Variants in CPNE4 observed in about 807,000 individuals in gnomAD.
CPNE4 encodes the protein copine-4.
A neutral mutation model predicts 67.9 loss-of-function variants in CPNE4; 25 were observed. The observed-to-expected ratio is 0.37, with a 90% CI of 0.27 to 0.51. CPNE4 has a LOEUF of 0.51. CPNE4 is among the 20% of genes least tolerant of loss of function. CPNE4 has a pLI of 0.93. For missense variants in CPNE4, 464 were observed against 690.8 expected, an observed-to-expected ratio of 0.67 and a Z score of 3.68; for synonymous variants, 242 against 244.9, an observed-to-expected ratio of 0.99 and a Z score of 0.11.
intron 2 of CPNE4, among the ~76,000 whole-genome samples, chr3:131,883,506 G>A (rs560874801): frequency 6.6e-6 from 1 of 152,072 alleles, no homozygotes; most frequent in African/African-American, 2.4e-5. Context: ...ATGCACTTTT[G>A]TCTCTCCACA....
At chr3:131,661,501 G>A (rs1044229733) in intron 7 of CPNE4, among the ~76,000 whole-genome samples, 2 of 152,120 alleles carry the variant, frequency 1.3e-5, no homozygotes, top group Non-Finnish European at 2.9e-5. Flanking sequence ...ATTGATTTCC[G>A]ATTTCAGTAG....
At chr3:131,570,139 A>G (rs999352468) in intron 10 of CPNE4, among the ~76,000 whole-genome samples, 1 of 151,890 alleles carries the variant, frequency 6.6e-6, no homozygotes, top group Admixed American at 6.6e-5. Context: ...AATAAATATC[A>G]TAGTATTTAA....
intron 12 of CPNE4, among the ~76,000 whole-genome samples, chr3:131,554,582 A>G (rs1936361768): frequency 6.6e-6 from 1 of 152,080 alleles, no homozygotes. Context: ...TCCATCCACT[A>G]TTCACTCTAG....
intron 7 of CPNE4, among the ~76,000 whole-genome samples, chr3:131,649,894 G>T (rs946269770): frequency 1.3e-5 from 2 of 152,174 alleles, no homozygotes; most frequent in East Asian, 1.9e-4. Context: ...CCGTGGCTGC[G>T]TTGTGTGCTT....
chr3:131,675,016 T>C lies in CPNE4; in HGVS notation c.592-5252A>G, dbSNP rs141671058. On this transcript the variant is annotated intron_variant, in intron 6 of 15. Transcript: ENST00000429747. ...GGTTTTGGTATGTTTTATTTTCATATTCATTTGTTTTAAGAAATGTTTACA... is the reference window on the plus strand; with the variant it reads ...GGTTTTGGTATGTTTTATTTTCATACTCATTTGTTTTAAGAAATGTTTACA... Among the ~76,000 whole-genome samples the C allele has an allele frequency of 2.3e-3, 354 of 152,182 alleles. 1 individual carries two copies. Among genetic ancestry groups the C allele is most frequent in the African/African-American group, 7.9e-3 (330 of 41,550 alleles).
chr3:132,008,828 G>C (rs569806717), intron 1 of CPNE4, among the ~76,000 whole-genome samples: 19 of 152,102 alleles, frequency 1.2e-4, no homozygotes, highest in East Asian at 3.9e-4. Context: ...TCAAGAAGGA[G>C]ATGTCTCACT....
At chr3:131,979,694 G>T (rs1464298608) in intron 1 of CPNE4, among the ~76,000 whole-genome samples, 2 of 151,944 alleles carry the variant, frequency 1.3e-5, no homozygotes, top group African/African-American at 4.8e-5. Context: ...TGTTAGTATT[G>T]AAATGTGAGG....
chr3:131,744,587 T>C (rs1043578828), intron 2 of CPNE4, among the ~76,000 whole-genome samples: 2 of 152,244 alleles, frequency 1.3e-5, no homozygotes, highest in Admixed American at 6.5e-5. Context: ...CACTTCTCTC[T>C]ATGCCTTCAC....
At position 131,807,137 on chromosome 3, in the gene CPNE4, A is replaced by C. The variant is rs867760703; in HGVS notation, c.181-83512T>G. Among the ~76,000 whole-genome samples the C allele has an allele frequency of 5.9e-5, 9 of 152,110 alleles. 1 individual carries two copies. The South Asian group carries it at 1.9e-3, about 32-fold the overall frequency. ...CCAGTGCCTGGCGGGGGTGGTGATG[A>C]AGGGAAGGGGACACAGTGACCCTCT... is the stretch of plus-strand genomic sequence containing the variant. On this transcript the variant is annotated intron_variant, in intron 2 of 15. Transcript: ENST00000429747.
At chr3:131,565,501 G>A (rs1300643867) in intron 10 of CPNE4, among the ~76,000 whole-genome samples, 4 of 152,104 alleles carry the variant, frequency 2.6e-5, no homozygotes, top group African/African-American at 9.6e-5. Flanking sequence ...GAGAACACAT[G>A]CCACGTGTGT....
At chr3:131,803,572 A>T (rs1297309394) in intron 2 of CPNE4, among the ~76,000 whole-genome samples, 1 of 152,012 alleles carries the variant, frequency 6.6e-6, no homozygotes, top group Non-Finnish European at 1.5e-5. Context: ...TATGAGGACA[A>T]CTCTATCTGT....
At chr3:131,595,716 C>G (rs59474162) in intron 7 of CPNE4, among the ~76,000 whole-genome samples, 6,840 of 152,202 alleles carry the variant, frequency 0.045, 493 homozygotes, top group African/African-American at 0.15. Context: ...GCAAGAAGGG[C>G]ACCAAGCTAT....
chr3:131,756,183 C>A (rs1043783734), intron 2 of CPNE4, among the ~76,000 whole-genome samples: 1 of 152,128 alleles, frequency 6.6e-6, no homozygotes, highest in Non-Finnish European at 1.5e-5. Context: ...GGTAATTAGG[C>A]CCCTAAATCT....
chr3:131,575,849 G>T (rs1025507717), intron 9 of CPNE4, among the ~76,000 whole-genome samples: 10 of 152,074 alleles, frequency 6.6e-5, no homozygotes, highest in Admixed American at 6.6e-4. Context: ...TACTCTGGAA[G>T]TCAGTATGGT....
intron 6 of CPNE4, among the ~76,000 whole-genome samples, chr3:131,681,163 TA>T (rs1281903474): frequency 2.6e-5 from 4 of 152,350 alleles, no homozygotes; most frequent in African/African-American, 9.6e-5. Flanking sequence ...CTACTCAAAA[TA>T]TTGGTAGTTT....
At chr3:131,852,891 G>A (rs1196205949) in intron 2 of CPNE4, among the ~76,000 whole-genome samples, 2 of 150,922 alleles carry the variant, frequency 1.3e-5, no homozygotes, top group Non-Finnish European at 3.0e-5. Context: ...AAATACCTAG[G>A]GATAATCTTA....
intron 7 of CPNE4, among the ~76,000 whole-genome samples, chr3:131,655,670 A>T (rs555975933): frequency 1.3e-5 from 2 of 152,098 alleles, no homozygotes; most frequent in Non-Finnish European, 2.9e-5. Context: ...GGGGGTGGAG[A>T]CAAGTAGGTT....
At chr3:131,938,712 T>C (rs1271846159) in intron 1 of CPNE4, among the ~76,000 whole-genome samples, 1 of 152,098 alleles carries the variant, frequency 6.6e-6, no homozygotes. Flanking sequence ...GAAACCGGCA[T>C]GGTGGGAAAT....
intron 4 of CPNE4, among the ~76,000 whole-genome samples, chr3:131,699,314 C>T (rs891143492): frequency 2.6e-5 from 4 of 152,124 alleles, no homozygotes; most frequent in African/African-American, 9.7e-5. Flanking sequence ...GGATATGTGG[C>T]CAGTGTGATT....
Sources: gnomAD v4.1 joint callset for allele counts (sites outside exome capture counted in the v4.1 genomes callset) on GRCh38, gnomAD v4.1.1 for gene constraint, MANE v1.5 for transcripts, NCBI Gene and HGNC (gene_info 2026-07-23, HGNC 2026-07-21) for gene names.